Variants in PPA1 observed in about 807,000 individuals in gnomAD.
PPA1 encodes the protein inorganic pyrophosphatase.
Under a neutral mutation model 41.8 loss-of-function variants are expected in PPA1, and 23 were observed. The ratio of observed to expected loss-of-function variants is 0.55; its 90% CI spans 0.40 to 0.78. PPA1 has a LOEUF of 0.78. Among genes scored for constraint, PPA1 ranks in the 30% least tolerant of loss-of-function variants. The probability of loss-of-function intolerance (pLI) is 0.00; values close to 1 mark genes in which losing one functional copy is unlikely to be tolerated. For missense variants in PPA1, 320 were observed against 361.6 expected (o/e 0.89, Z 0.93); for synonymous variants, 101 against 116.8 (o/e 0.86, Z 0.87).
At chr10:70,206,474 C>A in intron 8 of PPA1, 141 bp from the exon 9 acceptor site, 1 of 637,692 alleles carries the variant, frequency 1.6e-6, no homozygotes, top group Non-Finnish European at 2.9e-6. Context: ...ATTTAACATT[C>A]TAATTATGTA....
At chr10:70,207,527 G>T (rs1162467108) in intron 8 of PPA1, among the ~76,000 whole-genome samples, 1 of 152,062 alleles carries the variant, frequency 6.6e-6, no homozygotes, top group Admixed American at 6.6e-5. Context: ...AAATCATCTG[G>T]GAGTGGTGAT....
intron 2 of PPA1, among the ~76,000 whole-genome samples, chr10:70,223,443 T>C (rs919070083): frequency 5.9e-5 from 9 of 152,106 alleles, no homozygotes; most frequent in African/African-American, 1.9e-4. Context: ...TGGTCTCTAA[T>C]TCCTAGCCTC....
chr10:70,214,419 C>G (rs1171319495), intron 5 of PPA1, 81 bp downstream of exon 5: 3 of 1,108,726 alleles, frequency 2.7e-6, no homozygotes, highest in Non-Finnish European at 4.0e-6. Flanking sequence ...GCATTTTATT[C>G]ACAGTATTTT....
In PPA1 at chr10:70,206,318, C is replaced by CA. The variant is rs1329327192; in HGVS notation, c.740dup (p.Leu247PhefsTer3). 1 of 1,612,314 alleles carries CA rather than the reference C, an allele frequency of 6.2e-7. No individual in the cohort carries two copies. The highest frequency in any genetic ancestry group is 1.1e-5 in the South Asian group (1 of 91,026). On this transcript the variant is annotated frameshift_variant, in exon 9 of 11. Transcript: ENST00000373232. LOFTEE classifies it high-confidence loss of function. ...GATCACACTTGAAGGGGCTCTCAGA[C>CA]AAAGTTGTATTCATGCTATTAAATA...
At chr10:70,222,884 C>T (rs191371518) in intron 2 of PPA1, among the ~76,000 whole-genome samples, 2 of 142,622 alleles carry the variant, frequency 1.4e-5, no homozygotes, top group East Asian at 4.5e-4. Context: ...CTTCCTGTGT[C>T]CACGTGTTCT....
intron 2 of PPA1, among the ~76,000 whole-genome samples, chr10:70,224,353 A>T (rs1840206257): frequency 6.6e-6 from 1 of 152,226 alleles, no homozygotes; most frequent in East Asian, 1.9e-4. Context: ...GATTCTAAGG[A>T]AACTGGAAAC....
rs567725720 is a variant in PPA1, at chr10:70,224,137, ATGG to A, written c.124-5323_124-5321del. On this transcript the variant is annotated intron_variant, in intron 2 of 10. Coordinates refer to ENST00000373232, the MANE Select transcript of PPA1 (RefSeq NM_021129.4). The stretch of plus-strand genomic sequence containing the variant: ...TATAACTGTCTATTTCAGGCCAGGT[ATGG>A]TGGCTCGTGCCTGTAAACCTAGCAC... Among the ~76,000 whole-genome samples, 546 of 149,610 alleles carry A rather than the reference ATGG, an allele frequency of 3.6e-3. 5 individuals are homozygous for A. The highest frequency in any genetic ancestry group is 0.031 in the South Asian group (145 of 4,648).
chr10:70,232,795 C>T (rs1840302519), intron 1 of PPA1, among the ~76,000 whole-genome samples: 1 of 152,152 alleles, frequency 6.6e-6, no homozygotes, highest in African/African-American at 2.4e-5. Context: ...GGACTTGGCT[C>T]CGCTCAGCGC....
chr10:70,223,076 T>C (rs1840192890), intron 2 of PPA1, among the ~76,000 whole-genome samples: 1 of 152,098 alleles, frequency 6.6e-6, no homozygotes, highest in Non-Finnish European at 1.5e-5. Context: ...GTAGTAATAC[T>C]TGTCTCAGCC....
chr10:70,214,465 T>G (rs1840055602), intron 5 of PPA1, 35 bp downstream of exon 5: 4 of 1,552,266 alleles, frequency 2.6e-6, no homozygotes, highest in Non-Finnish European at 3.5e-6. Context: ...CATTAATATC[T>G]CAACACTAAA....
intron 6 of PPA1, among the ~76,000 whole-genome samples, chr10:70,211,581 G>T (rs1840020050): frequency 6.6e-6 from 1 of 152,114 alleles, no homozygotes; most frequent in South Asian, 2.1e-4. Flanking sequence ...ATGCACAGGG[G>T]CAAGCTATAG....
Position 70,212,775 on chromosome 10 carries a change from C to T in PPA1, c.511+688G>A, listed in dbSNP as rs189977184. 2.3e-4 allele frequency among the ~76,000 whole-genome samples: 34 copies of T among 149,396 alleles called. 1 individual carries two copies. Among genetic ancestry groups the T allele is most frequent in the East Asian group, 1.2e-3 (6 of 5,072 alleles). ...GAATGAATGAAATGCCACTGAATTTCACACTTTAATTAAAATGGTGAATTT... is the reference window on the plus strand; with the variant it reads ...GAATGAATGAAATGCCACTGAATTTTACACTTTAATTAAAATGGTGAATTT... On this transcript the variant is annotated intron_variant, in intron 6 of 10. Coordinates refer to ENST00000373232, the MANE Select transcript of PPA1 (RefSeq NM_021129.4).
At position 70,220,525 on chromosome 10, in the gene PPA1, G is replaced by A. The variant is rs866634705; in HGVS notation, c.124-1708C>T. 9.8e-5 allele frequency among the ~76,000 whole-genome samples: 7 copies of A among 71,320 alleles called. 1 individual carries two copies. The highest frequency in any genetic ancestry group is 7.5e-5 in the Non-Finnish European group (3 of 40,094). 46.8% of individuals were successfully genotyped at this position (71,320 alleles called of 152,430 possible). ...AATTTTATATATATAAATTATATATGTATTATATATAATTTTTATGTATAA... is the reference window on the plus strand; with the variant it reads ...AATTTTATATATATAAATTATATATATATTATATATAATTTTTATGTATAA... On this transcript the variant is annotated intron_variant, in intron 2 of 10. Coordinates refer to ENST00000373232, the MANE Select transcript of PPA1 (RefSeq NM_021129.4).
chr10:70,222,365 T>C (rs1205219430), intron 2 of PPA1, among the ~76,000 whole-genome samples: 3 of 142,504 alleles, frequency 2.1e-5, no homozygotes, highest in African/African-American at 7.9e-5. Context: ...AAAAAGAAAT[T>C]AGCTGGGCGA....
intron 2 of PPA1, among the ~76,000 whole-genome samples, chr10:70,228,718 T>C (rs1477783703): frequency 6.6e-6 from 1 of 152,230 alleles, no homozygotes; most frequent in Non-Finnish European, 1.5e-5. Context: ...ATAATTGGCC[T>C]AGGGCTGTTT....
chr10:70,210,538 C>A, intron 6 of PPA1: 2 of 857,806 alleles, frequency 2.3e-6, no homozygotes, highest in Non-Finnish European at 3.1e-6. Flanking sequence ...TTCTGGCTGA[C>A]AGAAAAGTGC....
chr10:70,221,938 T>C (rs1315545194), intron 2 of PPA1, among the ~76,000 whole-genome samples: 3 of 151,984 alleles, frequency 2.0e-5, no homozygotes, highest in Non-Finnish European at 1.5e-5. Context: ...ATCTACATAA[T>C]TAATGGGAAG....
intron 6 of PPA1, chr10:70,210,437 T>G: frequency 7.3e-7 from 1 of 1,363,530 alleles, no homozygotes; most frequent in Non-Finnish European, 9.8e-7. Flanking sequence ...ATAAGAAAAA[T>G]AGATTAGATT....
At chr10:70,209,523 T>G (rs758170064) in intron 7 of PPA1, 35 bp downstream of exon 7, 3 of 1,563,880 alleles carry the variant, frequency 1.9e-6, no homozygotes, top group Non-Finnish European at 2.6e-6. Flanking sequence ...TCAATACAAA[T>G]GAGCCTAAAG....
Sources: allele counts gnomAD v4.1 joint callset (sites outside exome capture counted in the v4.1 genomes callset), GRCh38; gene constraint gnomAD v4.1.1; transcripts MANE v1.5; gene names NCBI Gene and HGNC (gene_info 2026-07-23, HGNC 2026-07-21).